Variants in ATRNL1 observed in about 807,000 individuals in gnomAD.
The protein encoded by ATRNL1 is attractin-like protein 1.
Under a neutral mutation model 182.7 loss-of-function variants are expected in ATRNL1, and 95 were observed. That is an observed-to-expected ratio of 0.52 (90% CI 0.44 to 0.62). ATRNL1 has a LOEUF of 0.62. Among genes scored for constraint, ATRNL1 ranks in the 20% least tolerant of loss-of-function variants. The probability of loss-of-function intolerance (pLI) is 0.00; values close to 1 mark genes in which losing one functional copy is unlikely to be tolerated. For missense variants in ATRNL1, 1,471 were observed against 1,679.5 expected (o/e 0.88, Z 2.17); for synonymous variants, 576 against 568.3 (o/e 1.01, Z -0.19).
intron 26 of ATRNL1, among the ~76,000 whole-genome samples, chr10:115,721,508 T>C (rs966147430): frequency 1.3e-5 from 2 of 152,106 alleles, no homozygotes; most frequent in Admixed American, 6.5e-5. Context: ...CTCAGAATCA[T>C]GGTGGGGGGC....
At chr10:115,112,079 T>G (rs1554868241) in intron 1 of ATRNL1, among the ~76,000 whole-genome samples, 1 of 149,670 alleles carries the variant, frequency 6.7e-6, no homozygotes, top group African/African-American at 2.5e-5. Flanking sequence ...AAAAAAAAAC[T>G]TACGATAAGT....
In ATRNL1 at chr10:115,930,259, T is replaced by A. The variant is rs180768051; in HGVS notation, c.4019-14399T>A. ...ACAGTCATTCTAGAGATTTATTTGG[T>A]TTTTTTCCTTCCCCAGAAGTTGCTT... is the stretch of plus-strand genomic sequence containing the variant. On this transcript the variant is annotated intron_variant, in intron 28 of 28. Transcript: ENST00000355044. 7.2e-4 allele frequency among the ~76,000 whole-genome samples: 110 copies of A among 152,268 alleles called. 1 individual carries two copies. The highest frequency in any genetic ancestry group is 2.4e-3 in the African/African-American group (99 of 41,582).
intron 26 of ATRNL1, among the ~76,000 whole-genome samples, chr10:115,631,700 A>G (rs113013675): frequency 1.5e-4 from 23 of 152,250 alleles, no homozygotes; most frequent in African/African-American, 5.5e-4. Flanking sequence ...GATATGGTCT[A>G]GTTAATTACT....
chr10:115,210,932 A>C (rs1848995101), intron 8 of ATRNL1, among the ~76,000 whole-genome samples: 1 of 151,752 alleles, frequency 6.6e-6, no homozygotes, highest in Non-Finnish European at 1.5e-5. Context: ...CATTATCTTG[A>C]GTATCGGATG....
intron 28 of ATRNL1, among the ~76,000 whole-genome samples, chr10:115,875,090 G>T (rs1555106904): frequency 2.0e-5 from 3 of 152,158 alleles, no homozygotes; most frequent in African/African-American, 7.2e-5. Flanking sequence ...TTGGAAAGTG[G>T]AAATTGATAG....
chr10:115,554,712 A>G (rs1853211879), intron 26 of ATRNL1, among the ~76,000 whole-genome samples: 1 of 151,634 alleles, frequency 6.6e-6, no homozygotes, highest in African/African-American at 2.4e-5. Flanking sequence ...TATATCGAAA[A>G]GTTTTCTGGA....
chr10:115,645,600 C>T (rs1379308016), intron 26 of ATRNL1, among the ~76,000 whole-genome samples: 2 of 151,478 alleles, frequency 1.3e-5, no homozygotes, highest in Non-Finnish European at 2.9e-5. Context: ...GTCATTTAAC[C>T]AAACTGAACT....
chr10:115,912,537 T>C (rs1229932487), intron 28 of ATRNL1, among the ~76,000 whole-genome samples: 1 of 152,004 alleles, frequency 6.6e-6, no homozygotes, highest in Admixed American at 6.6e-5. Context: ...TATCAAGAGC[T>C]TCAAAAGAGT....
chr10:115,389,261 C>G (rs1209625556), intron 19 of ATRNL1, among the ~76,000 whole-genome samples: 1 of 151,798 alleles, frequency 6.6e-6, no homozygotes, highest in Non-Finnish European at 1.5e-5. Context: ...AATACCAGCA[C>G]TTTGGGAGGC....
intron 25 of ATRNL1, among the ~76,000 whole-genome samples, chr10:115,539,552 A>C (rs1852232856): frequency 6.6e-6 from 1 of 152,184 alleles, no homozygotes; most frequent in Non-Finnish European, 1.5e-5. Flanking sequence ...ACTTGGAAGT[A>C]ACTACTATAG....
Position 115,944,888 on chromosome 10 carries a change from C to G in ATRNL1, c.*109C>G. 1 of 1,276,618 alleles carries G rather than the reference C, an allele frequency of 7.8e-7. No individual in the cohort carries two copies. The highest frequency in any genetic ancestry group is 1.0e-6 in the Non-Finnish European group (1 of 965,500). 79.1% of individuals were successfully genotyped at this position (1,276,618 alleles called of 1,614,324 possible). The stretch of plus-strand genomic sequence containing the variant: ...AGGCAGATCTCTGTATCATCCAGAG[C>G]CTGAGTACAGTTTCCTTCCAAATGG... On this transcript the variant is annotated 3_prime_UTR_variant, in exon 29 of 29. Coordinates refer to ENST00000355044, the MANE Select transcript of ATRNL1 (RefSeq NM_207303.4).
chr10:115,364,133 G>A (rs1554945148), intron 19 of ATRNL1, among the ~76,000 whole-genome samples: 1 of 144,538 alleles, frequency 6.9e-6, no homozygotes, highest in African/African-American at 2.5e-5. Context: ...TCACGATATT[G>A]ATTCTTCCTA....
At chr10:115,105,212 T>C (rs914284563) in intron 1 of ATRNL1, among the ~76,000 whole-genome samples, 1 of 152,164 alleles carries the variant, frequency 6.6e-6, no homozygotes, top group Non-Finnish European at 1.5e-5. Flanking sequence ...TTTTTTTTGG[T>C]GTCTTCTTCA....
At chr10:115,388,381 G>A (rs562392149) in intron 19 of ATRNL1, among the ~76,000 whole-genome samples, 1 of 152,172 alleles carries the variant, frequency 6.6e-6, no homozygotes, top group South Asian at 2.1e-4. Flanking sequence ...GTACTAAAAA[G>A]GTCTTTGTCA....
At chr10:115,207,004 C>A (rs1848824026) in intron 8 of ATRNL1, among the ~76,000 whole-genome samples, 1 of 152,164 alleles carries the variant, frequency 6.6e-6, no homozygotes, top group Non-Finnish European at 1.5e-5. Context: ...CATGTCCCTG[C>A]AAAGGACATG....
intron 5 of ATRNL1, among the ~76,000 whole-genome samples, chr10:115,149,474 T>C (rs1846117981): frequency 6.6e-6 from 1 of 152,170 alleles, no homozygotes; most frequent in African/African-American, 2.4e-5. Flanking sequence ...AACTGTGGGT[T>C]TGTCGTATAT....
intron 26 of ATRNL1, among the ~76,000 whole-genome samples, chr10:115,713,463 G>GTT (rs1947130312): frequency 6.6e-6 from 1 of 151,226 alleles, no homozygotes; most frequent in African/African-American, 2.4e-5. Context: ...GTGTGTGTGT[G>GTT]TGTTTGTGTG....
intron 20 of ATRNL1, among the ~76,000 whole-genome samples, chr10:115,408,408 A>G (rs1402433019): frequency 6.6e-6 from 1 of 152,118 alleles, no homozygotes; most frequent in African/African-American, 2.4e-5. Context: ...TTATTTGCCC[A>G]TTTTACAATT....
intron 8 of ATRNL1, among the ~76,000 whole-genome samples, chr10:115,177,890 GTTTTGTTT>G (rs1458517002): frequency 3.8e-5 from 5 of 131,836 alleles, no homozygotes; most frequent in Admixed American, 3.0e-4. Context: ...TTTTTTTTTG[GTTTTGTTT>G]TTTTGTTTTT....
Sources: gnomAD v4.1 joint callset for allele counts (sites outside exome capture counted in the v4.1 genomes callset) on GRCh38, gnomAD v4.1.1 for gene constraint, MANE v1.5 for transcripts, NCBI Gene and HGNC (gene_info 2026-07-23, HGNC 2026-07-21) for gene names.